CELSR1: variants seen among roughly 807,000 people sequenced by gnomAD.
CELSR1 encodes the protein cadherin EGF LAG seven-pass G-type receptor 1.
Under a neutral mutation model 249.1 loss-of-function variants are expected in CELSR1, and 110 were observed. The observed-to-expected ratio is 0.44, with a 90% CI of 0.38 to 0.52. CELSR1 has a LOEUF of 0.52. Among genes scored for constraint, CELSR1 ranks in the 20% least tolerant of loss-of-function variants. The probability of loss-of-function intolerance (pLI) is 0.00; values close to 1 mark genes in which losing one functional copy is unlikely to be tolerated. For missense variants in CELSR1, 4,109 were observed against 4,296.4 expected (o/e 0.96, Z 1.22); for synonymous variants, 2,113 against 1,900.0 (o/e 1.11, Z -2.92).
intron 5 of CELSR1, among the ~76,000 whole-genome samples, chr22:46,422,591 A>AT (rs1229577667): frequency 3.4e-5 from 5 of 148,598 alleles, no homozygotes; most frequent in African/African-American, 1.2e-4. Flanking sequence ...AATAATAATA[A>AT]AAAATAAATA....
chr22:46,432,213 T>A (rs1053903871), intron 5 of CELSR1, among the ~76,000 whole-genome samples: 11 of 150,548 alleles, frequency 7.3e-5, no homozygotes, highest in Admixed American at 3.3e-4. Context: ...GCCAGGGAGG[T>A]GGAGGGACGC....
rs2080646461 is a variant in CELSR1 at position 46,518,027 on chromosome 22, C to G, written c.3544+15600G>C. Among the ~76,000 whole-genome samples the G allele has an allele frequency of 6.6e-6, 1 of 152,060 alleles. No homozygotes were observed. Among genetic ancestry groups the G allele is most frequent in the East Asian group, 1.9e-4 (1 of 5,178 alleles). On this transcript the variant is annotated intron_variant, in intron 1 of 34. Coordinates refer to ENST00000674500, the MANE Select transcript of CELSR1 (RefSeq NM_001378328.1). This position sits in a 1 kb window ranked among gnomAD's most constrained non-coding sequence, Gnocchi z 5.2. ...AAGTGATTCTCCTGCCTCAGCCTCC[C>G]AAGTAGCTGGGATTACAGTCATGTG...
At chr22:46,443,326 G>C (rs1000415965) in intron 2 of CELSR1, among the ~76,000 whole-genome samples, 2 of 152,198 alleles carry the variant, frequency 1.3e-5, no homozygotes, top group Non-Finnish European at 2.9e-5. Context: ...TCCACCCCAG[G>C]AGTCAGGGCA....
intron 24 of CELSR1, 65 bp downstream of exon 24, chr22:46,376,996 C>G (rs1306978014): frequency 1.3e-6 from 2 of 1,551,014 alleles, no homozygotes; most frequent in Non-Finnish European, 1.8e-6. Flanking sequence ...GTGGCCAGGA[C>G]AGGACTATGG....
intron 5 of CELSR1, among the ~76,000 whole-genome samples, chr22:46,421,276 CAG>C (rs1569151439): frequency 6.6e-6 from 1 of 151,710 alleles, no homozygotes; most frequent in African/African-American, 2.4e-5. Flanking sequence ...CAGTGCATCT[CAG>C]AGCCCCAGCA....
At position 46,458,126 on chromosome 22, in the gene CELSR1, G is replaced by C. The variant is rs940387324; in HGVS notation, c.4183+5581C>G. ...AGGGAGGACAGAGGAGTGGGGACAG[G>C]GAGGGAACATTCAGGGAAGACCTGG... On this transcript the variant is annotated intron_variant, in intron 2 of 34. Coordinates refer to ENST00000674500, the MANE Select transcript of CELSR1 (RefSeq NM_001378328.1). Among the ~76,000 whole-genome samples the C allele has an allele frequency of 6.6e-5, 10 of 152,308 alleles. 1 individual carries two copies. The highest frequency in any genetic ancestry group is 3.3e-4 in the Admixed American group (5 of 15,300).
At position 46,488,288 on chromosome 22, in the gene CELSR1, G is replaced by A. The variant is rs186526850; in HGVS notation, c.3545-23943C>T. Among the ~76,000 whole-genome samples the A allele has an allele frequency of 1.6e-4, 25 of 152,162 alleles. No homozygotes were observed. The highest frequency in any genetic ancestry group is 6.0e-4 in the African/African-American group (25 of 41,490). ...ATAGTCCCCAGAGCCAGTGCTACAT[G>A]GGAAGCCCTGCCCTCCTGGGGACAG... On this transcript the variant is annotated intron_variant, in intron 1 of 34. Coordinates refer to ENST00000674500, the MANE Select transcript of CELSR1 (RefSeq NM_001378328.1). This position sits in a 1 kb window ranked among gnomAD's most constrained non-coding sequence, Gnocchi z 4.7.
In CELSR1 at chr22:46,535,349, C is replaced by T. The variant is rs148208138; in HGVS notation, c.1822G>A (p.Ala608Thr). 46 of 1,612,318 alleles carry T rather than the reference C, an allele frequency of 2.9e-5. No individual in the cohort carries two copies. In the African/African-American group the frequency reaches 5.3e-4, roughly 19 times the overall value. The change falls in exon 1 of 35, where the codon GCC (alanine) becomes ACC (threonine). Residue 608 changes from alanine to threonine, a missense_variant. Ala to Thr is a moderately conservative substitution (Grantham distance 58). Around this residue, in one of 7 missense-constraint regions of CELSR1, gnomAD observed 886 missense variants for 896.5 expected, o/e 0.99. Coordinates refer to ENST00000674500, the MANE Select transcript of CELSR1 (RefSeq NM_001378328.1). ...CTGCCGCCCCCCAGAAAGGTGGAGG[C>T]CGTGTCCACCAGGCGATAGTGCAGC... ...ARLHYRLVDT[A>T]STFLGGGSAG...
intron 2 of CELSR1, 122 bp downstream of exon 2, chr22:46,463,585 G>A: frequency 1.8e-6 from 2 of 1,098,964 alleles, no homozygotes. Context: ...CCACACCTGG[G>A]CCCAGCGCCC....
intron 5 of CELSR1, among the ~76,000 whole-genome samples, chr22:46,421,178 GC>G (rs1234611704): frequency 6.6e-6 from 1 of 151,966 alleles, no homozygotes; most frequent in Non-Finnish European, 1.5e-5. Flanking sequence ...GTACACTTCA[GC>G]CACCACCACC....
intron 2 of CELSR1, among the ~76,000 whole-genome samples, chr22:46,462,381 C>G (rs569877205): frequency 6.6e-6 from 1 of 152,124 alleles, no homozygotes; most frequent in Non-Finnish European, 1.5e-5. Context: ...TGGTGGTTTT[C>G]CCTCCACTTC....
rs1200688044 is a variant in CELSR1 at position 46,382,005 on chromosome 22, G to C, written c.6929C>G (p.Thr2310Ser). 1 of 1,561,646 alleles carries C rather than the reference G, an allele frequency of 6.4e-7. No individual in the cohort carries two copies. The highest frequency in any genetic ancestry group is 8.7e-7 in the Non-Finnish European group (1 of 1,154,988). Residue 2310 changes from threonine (T) to serine (S), a missense_variant, in exon 21 of 35, where the codon ACC (threonine) becomes AGC (serine). Transcript: ENST00000674500. ...RPAGRRTTPQTTRPGPGTERE... is the reference protein window; with the variant it reads ...RPAGRRTTPQSTRPGPGTERE... ...CTCGGTGCCAGGCCCCGGGCGCGTGGTCTGCGGGGTGGTCCTCCGGCCAGC... is the reference window on the plus strand; with the variant it reads ...CTCGGTGCCAGGCCCCGGGCGCGTGCTCTGCGGGGTGGTCCTCCGGCCAGC...
chr22:46,459,933 G>A (rs907099099), intron 2 of CELSR1, among the ~76,000 whole-genome samples: 5 of 152,184 alleles, frequency 3.3e-5, no homozygotes, highest in East Asian at 1.9e-4. Context: ...CCGGCCAGGC[G>A]TAGTGGCTCA....
At chr22:46,459,223 T>A (rs900311008) in intron 2 of CELSR1, among the ~76,000 whole-genome samples, 3 of 151,984 alleles carry the variant, frequency 2.0e-5, no homozygotes, top group Non-Finnish European at 4.4e-5. Context: ...TGGTCGTAAT[T>A]GTTTAATTAG....
In CELSR1 at chr22:46,377,199, G is replaced by A; in HGVS notation, c.7446C>T (p.Ala2482=). ...TYAAVSLSLA[A]LLVAFVLLSL... is the part of the protein sequence containing the mutation. The stretch of plus-strand genomic sequence containing the variant: ...TCAGGAGGACGAAGGCCACCAGCAG[G>A]GCTGCCAGTGACAAGGACACAGCGG... Residue 2482 remains alanine, a synonymous_variant, in exon 24 of 35, where the codon GCC becomes GCT. Coordinates refer to ENST00000674500, the MANE Select transcript of CELSR1 (RefSeq NM_001378328.1). 6.2e-7 allele frequency: 1 copy of A among 1,613,996 alleles called. No individual in the cohort carries two copies. The highest frequency in any genetic ancestry group is 8.5e-7 in the Non-Finnish European group (1 of 1,180,034).
At position 46,463,922 on chromosome 22, in the gene CELSR1, C is replaced by T; in HGVS notation, c.3968G>A (p.Arg1323Gln). The T allele has an allele frequency of 1.9e-6, 3 of 1,613,940 alleles. No individual in the cohort carries two copies. Among genetic ancestry groups the T allele is most frequent in the Non-Finnish European group, 2.5e-6 (3 of 1,179,982 alleles). ...GAGGAAGGGCGCGGAGCTGTCGAAT[C>T]GCAGAACGGACACGCACTTCATGTA... Reference protein sequence around the residue: ...ENYMKCVSVLRFDSSAPFLSS... With the variant: ...ENYMKCVSVLQFDSSAPFLSS... Residue 1323 changes from arginine (R) to glutamine (Q), a missense_variant, in exon 2 of 35, where the codon CGA (arginine) becomes CAA (glutamine). Transcript: ENST00000674500.
At chr22:46,520,228 A>C (rs978554807) in intron 1 of CELSR1, among the ~76,000 whole-genome samples, 4 of 152,160 alleles carry the variant, frequency 2.6e-5, no homozygotes, top group Admixed American at 6.5e-5. Context: ...GAAAAGGCAC[A>C]GAAGGAAGAA....
chr22:46,451,568 C>T (rs1194021293), intron 2 of CELSR1, among the ~76,000 whole-genome samples: 1 of 152,126 alleles, frequency 6.6e-6, no homozygotes, highest in East Asian at 1.9e-4. Context: ...CAGCTCCAAG[C>T]CAAAGGCTCC....
chr22:46,444,422 G>A (rs956044874), intron 2 of CELSR1, among the ~76,000 whole-genome samples: 1 of 152,328 alleles, frequency 6.6e-6, no homozygotes, highest in East Asian at 1.9e-4. Flanking sequence ...CCCCGAGGGG[G>A]GCACCTCTGC....
Sources: allele counts gnomAD v4.1 joint callset (sites outside exome capture counted in the v4.1 genomes callset), GRCh38; gene constraint gnomAD v4.1.1; regional missense constraint gnomAD v4.1.1; non-coding constraint Gnocchi (gnomAD v3.1); transcripts MANE v1.5; gene names NCBI Gene and HGNC (gene_info 2026-07-23, HGNC 2026-07-21).